ARID1B: variants seen among roughly 807,000 people sequenced by gnomAD.
ARID1B encodes AT-rich interaction domain 1B, also known as AT-rich interactive domain-containing protein 1B.
A neutral mutation model predicts 212.3 loss-of-function variants in ARID1B; 30 were observed. The observed-to-expected ratio is 0.14, with a 90% confidence interval of 0.11 to 0.19. The LOEUF is 0.19. ARID1B is among the 10% of genes least tolerant of loss of function. The pLI is 1.00. For missense variants in ARID1B, 2,891 were observed against 3,204.0 expected, an observed-to-expected ratio of 0.90 and a Z score of 2.36; for synonymous variants, 1,402 against 1,301.7, an observed-to-expected ratio of 1.08 and a Z score of -1.66.
chr6:156,925,843 G>T (rs79057191), intron 3 of ARID1B, among the ~76,000 whole-genome samples: 2,491 of 152,262 alleles, frequency 0.016, 62 homozygotes, highest in African/African-American at 0.056. Context: ...ACATGCAAGA[G>T]ACCCATTCCA....
chr6:157,082,102 G>A (rs554051747), intron 4 of ARID1B, among the ~76,000 whole-genome samples: 14 of 152,256 alleles, frequency 9.2e-5, no homozygotes, highest in Non-Finnish European at 1.6e-4. Flanking sequence ...AGATTATATG[G>A]AGTTGTCACT....
intron 6 of ARID1B, among the ~76,000 whole-genome samples, chr6:157,121,224 T>A (rs1229072055): frequency 1.3e-5 from 2 of 152,220 alleles, no homozygotes; most frequent in Admixed American, 1.3e-4. Flanking sequence ...TAGAGATATG[T>A]TTTCATTGGA....
intron 4 of ARID1B, among the ~76,000 whole-genome samples, chr6:157,035,029 G>C (rs998038): frequency 0.18 from 27,475 of 152,080 alleles, 2,667 homozygotes; most frequent in Non-Finnish European, 0.22. Context: ...CACAAGGTCT[G>C]TCACTGTCTC....
chr6:156,905,736 T>C (rs1322584297), intron 3 of ARID1B, among the ~76,000 whole-genome samples: 21 of 152,206 alleles, frequency 1.4e-4, no homozygotes, highest in Admixed American at 1.4e-3. Flanking sequence ...TGGGGTAGTA[T>C]ATCCTCATTA....
At chr6:157,019,621 A>G (rs755709714) in intron 4 of ARID1B, among the ~76,000 whole-genome samples, 1 of 152,224 alleles carries the variant, frequency 6.6e-6, no homozygotes, top group Non-Finnish European at 1.5e-5. Context: ...GAAGGAGGGA[A>G]GAACTTGTCC....
At chr6:156,844,854 T>C (rs1231427637) in intron 2 of ARID1B, among the ~76,000 whole-genome samples, 1 of 152,234 alleles carries the variant, frequency 6.6e-6, no homozygotes, top group African/African-American at 2.4e-5. Flanking sequence ...CTTTCTGTTA[T>C]CCAGGAGTTG....
At chr6:156,907,587 G>A (rs1789501693) in intron 3 of ARID1B, among the ~76,000 whole-genome samples, 1 of 151,994 alleles carries the variant, frequency 6.6e-6, no homozygotes, top group Non-Finnish European at 1.5e-5. Flanking sequence ...GTTAGGTTTT[G>A]GTATCTGTAC....
chr6:156,893,051 T>TGTTTTG (rs201418007), intron 2 of ARID1B, among the ~76,000 whole-genome samples: 2 of 138,396 alleles, frequency 1.4e-5, no homozygotes, highest in South Asian at 2.2e-4. Flanking sequence ...CTTCCTTTTT[T>TGTTTTG]TTTTTTTTTG....
intron 17 of ARID1B, among the ~76,000 whole-genome samples, chr6:157,199,377 A>G (rs1437796014): frequency 2.6e-5 from 4 of 152,036 alleles, no homozygotes; most frequent in African/African-American, 4.8e-5. Context: ...TTGAATAAGT[A>G]GGACAGGTTT....
At chr6:156,890,731 C>T (rs1478990023) in intron 2 of ARID1B, among the ~76,000 whole-genome samples, 1 of 152,162 alleles carries the variant, frequency 6.6e-6, no homozygotes, top group Admixed American at 6.5e-5. Flanking sequence ...CATCCCGGGT[C>T]ATCTTTTTCC....
In ARID1B at chr6:156,779,356, G is replaced by T; in HGVS notation, c.1676G>T (p.Gly559Val). The T allele has an allele frequency of 7.9e-7, 1 of 1,273,426 alleles. No homozygotes were observed. Among genetic ancestry groups the T allele is most frequent in the South Asian group, 2.0e-5 (1 of 49,150 alleles). The allele number at this position is 1,273,426 out of a possible 1,614,324, so 78.9% of individuals were successfully genotyped here. The change falls in exon 1 of 20, where the codon GGC (glycine) becomes GTC (valine). Residue 559 changes from glycine to valine, a missense_variant. Physicochemically the swap from Gly to Val is moderately radical, Grantham distance 109. Transcript: ENST00000636930. ...CAGGCGGCCGCGGGCATGGGCTTGG[G>T]CAAGGACATGGGCGCCCAGTACGCC... ...GQQAAAGMGL[G>V]KDMGAQYAAA... is the part of the protein sequence containing the mutation.
intron 4 of ARID1B, among the ~76,000 whole-genome samples, chr6:156,962,643 C>G (rs1292461202): frequency 6.6e-6 from 1 of 152,114 alleles, no homozygotes; most frequent in African/African-American, 2.4e-5. Context: ...CCACCACCCC[C>G]GGCTAATTTT....
intron 4 of ARID1B, among the ~76,000 whole-genome samples, chr6:157,013,690 GC>G (rs1466346470): frequency 9.2e-5 from 14 of 152,342 alleles, no homozygotes; most frequent in Non-Finnish European, 1.2e-4. Context: ...GTTGAGGGGT[GC>G]CTGCAACGCA....
chr6:157,104,125 A>G (rs534451692), intron 5 of ARID1B, among the ~76,000 whole-genome samples: 37 of 152,264 alleles, frequency 2.4e-4, no homozygotes, highest in African/African-American at 8.7e-4. Context: ...GTAAGCCACC[A>G]CGCCCGGCCT....
chr6:157,026,426 G>A (rs142722701), intron 4 of ARID1B, among the ~76,000 whole-genome samples: 3 of 152,278 alleles, frequency 2.0e-5, no homozygotes, highest in East Asian at 1.9e-4. Context: ...ATGTCAAGAT[G>A]TACCCTTGAT....
intron 3 of ARID1B, among the ~76,000 whole-genome samples, chr6:156,913,278 G>A (rs191292629): frequency 6.7e-4 from 99 of 148,144 alleles, no homozygotes; most frequent in Non-Finnish European, 1.1e-3. Context: ...GTGCAGTGGC[G>A]CGATCTGGGC....
intron 6 of ARID1B, among the ~76,000 whole-genome samples, chr6:157,126,353 C>A (rs1360015195): frequency 2.0e-5 from 3 of 152,170 alleles, no homozygotes; most frequent in African/African-American, 7.2e-5. Context: ...CTAAACAGAT[C>A]TGCTTCCAAA....
At chr6:157,028,384 A>ATAATGTAATGAATAAGTATTAGTGTTTTC in intron 4 of ARID1B, among the ~76,000 whole-genome samples, 1 of 152,232 alleles carries the variant, frequency 6.6e-6, no homozygotes, top group South Asian at 2.1e-4. Flanking sequence ...TGTAGAAATA[A>ATAATGTAATGAATAAGTATTAGTGTTTTC]TAATGTAATG....
chr6:157,165,260 C>T (rs1242806815), intron 8 of ARID1B, among the ~76,000 whole-genome samples: 1 of 152,170 alleles, frequency 6.6e-6, no homozygotes, highest in Non-Finnish European at 1.5e-5. Flanking sequence ...ATTTAGCAGT[C>T]TGCAGTTATT....
Sources: gnomAD v4.1 joint callset for allele counts (sites outside exome capture counted in the v4.1 genomes callset) on GRCh38, gnomAD v4.1.1 for gene constraint, MANE v1.5 for transcripts, NCBI Gene and HGNC (gene_info 2026-07-23, HGNC 2026-07-21) for gene names.